Variants in TRIM33 observed in about 807,000 individuals in gnomAD.
TRIM33 encodes E3 ubiquitin-protein ligase TRIM33.
In TRIM33, 20 loss-of-function variants were observed where a neutral mutation model predicts 125.4. The observed-to-expected ratio is 0.16, with a 90% confidence interval of 0.11 to 0.23. The LOEUF is 0.23. Among genes scored for constraint, TRIM33 ranks in the 10% least tolerant of loss-of-function variants. The pLI, the probability that TRIM33 is intolerant of heterozygous loss-of-function variation, is 1.00. For synonymous variants in TRIM33, 564 were observed against 513.9 expected, an observed-to-expected ratio of 1.10 and a Z score of -1.32; for missense variants, 920 against 1,411.4, an observed-to-expected ratio of 0.65 and a Z score of 5.58.
rs956535181 is a variant in TRIM33 at position 114,510,883 on chromosome 1, C to G, written c.194G>C (p.Gly65Ala). 1 of 1,450,790 alleles carries G rather than the reference C, an allele frequency of 6.9e-7. No homozygotes were observed. Among genetic ancestry groups the G allele is most frequent in the African/African-American group, 1.5e-5 (1 of 67,378 alleles). The allele number at this position is 1,450,790 out of a possible 1,614,324, so 89.9% of individuals were successfully genotyped here. A position where few individuals can be genotyped will look rare whatever the true frequency, so the allele number is the denominator to read the frequency against. The change falls in exon 1 of 20, where the codon GGG (glycine) becomes GCG (alanine). Residue 65 changes from glycine (G) to alanine (A), a missense_variant. By Grantham distance (60) the Gly-to-Ala change is moderately conservative. This residue lies in a region of TRIM33 where 233 missense variants were observed against 189.6 expected (regional missense o/e 1.23). Transcript: ENST00000358465. Reference sequence around the variant, plus strand: ...GCCCGAGGAGGCCGCGGCCACCCCCCCGTCGTCGGGCCCGGCCGCGCCGCC... The same window carrying G: ...GCCCGAGGAGGCCGCGGCCACCCCCGCGTCGTCGGGCCCGGCCGCGCCGCC... ...AEGGAAGPDD[G>A]GVAAASSGSA...
chr1:114,415,334 T>C (rs1322816316), intron 11 of TRIM33, among the ~76,000 whole-genome samples: 1 of 152,032 alleles, frequency 6.6e-6, no homozygotes, highest in Non-Finnish European at 1.5e-5. Flanking sequence ...AAAGTCAGCA[T>C]AAAAAAGAAA....
intron 1 of TRIM33, among the ~76,000 whole-genome samples, chr1:114,495,654 T>A (rs1334019998): frequency 8.5e-5 from 13 of 152,182 alleles, no homozygotes; most frequent in Admixed American, 8.5e-4. Context: ...TAATCTACTT[T>A]GAAAGCATTC....
intron 16 of TRIM33, among the ~76,000 whole-genome samples, chr1:114,401,949 C>T (rs1024355348): frequency 3.3e-5 from 5 of 152,152 alleles, no homozygotes; most frequent in African/African-American, 1.2e-4. Context: ...AACTGAAATG[C>T]ATTTTACATT....
intron 1 of TRIM33, among the ~76,000 whole-genome samples, chr1:114,493,667 G>A (rs1041658988): frequency 6.6e-6 from 1 of 151,576 alleles, no homozygotes; most frequent in Non-Finnish European, 1.5e-5. Context: ...AAATCCAGTT[G>A]TACCAACATC....
rs963720009 is a variant in TRIM33, at chr1:114,411,666, C to T, written c.2062-1350G>A. Reference sequence around the variant, plus strand: ...TATACTCCTCACCTGCAATTTGTATCTTTTGCTAGAAAGATAACTCTAAGG... The same window carrying T: ...TATACTCCTCACCTGCAATTTGTATTTTTTGCTAGAAAGATAACTCTAAGG... On this transcript the variant is annotated intron_variant, in intron 11 of 19. Transcript: ENST00000358465. Among the ~76,000 whole-genome samples the T allele has an allele frequency of 8.5e-5, 13 of 152,222 alleles. No individual in the cohort carries two copies. In the South Asian group the frequency reaches 2.7e-3, roughly 32 times the overall value.
intron 4 of TRIM33, among the ~76,000 whole-genome samples, chr1:114,457,298 A>C (rs1156624535): frequency 2.0e-5 from 3 of 152,140 alleles, no homozygotes. Context: ...ACTAATGCAG[A>C]CTACAGCTTA....
intron 1 of TRIM33, among the ~76,000 whole-genome samples, chr1:114,491,591 T>C (rs1226042114): frequency 1.3e-5 from 2 of 152,030 alleles, no homozygotes; most frequent in African/African-American, 4.8e-5. Flanking sequence ...AAAGCTTGAG[T>C]CCAGAGTTCA....
At chr1:114,405,842 A>G in intron 14 of TRIM33, 83 bp from the exon 15 acceptor site, 3 of 1,168,820 alleles carry the variant, frequency 2.6e-6, no homozygotes, top group African/African-American at 1.5e-5. Context: ...TTATGTGAAT[A>G]TGCATATAGA....
intron 1 of TRIM33, among the ~76,000 whole-genome samples, chr1:114,473,347 C>T (rs906125686): frequency 1.3e-5 from 2 of 151,758 alleles, no homozygotes; most frequent in African/African-American, 4.8e-5. Flanking sequence ...CAATGGTGAA[C>T]GCACACCTGG....
At chr1:114,478,748 C>G (rs374824747) in intron 1 of TRIM33, among the ~76,000 whole-genome samples, 15 of 152,186 alleles carry the variant, frequency 9.9e-5, no homozygotes, top group African/African-American at 3.6e-4. Flanking sequence ...CATATCTGGG[C>G]TTCAATAATA....
At position 114,408,749 on chromosome 1, in the gene TRIM33, T is replaced by C. The variant is rs1652401471; in HGVS notation, c.2195-9A>G. On this transcript the variant is annotated splice_polypyrimidine_tract_variant and intron_variant, in intron 12 of 19. Transcript: ENST00000358465. ...GTGAGAATTGGATAAACCTAAAAAG[T>C]AGTAAGTCAAAATGAATATCAATGC... 2 of 1,582,910 alleles carry C rather than the reference T, an allele frequency of 1.3e-6. No individual in the cohort carries two copies. Among genetic ancestry groups the C allele is most frequent in the Non-Finnish European group, 1.7e-6 (2 of 1,158,300 alleles).
chr1:114,468,763 A>G (rs1227453652), intron 1 of TRIM33: 2 of 383,298 alleles, frequency 5.2e-6, no homozygotes, highest in African/African-American at 2.1e-5. Flanking sequence ...GAAGATGAAG[A>G]CAGCAAAAAA....
intron 17 of TRIM33, among the ~76,000 whole-genome samples, chr1:114,400,980 T>C (rs1050192749): frequency 1.3e-5 from 2 of 152,110 alleles, no homozygotes; most frequent in African/African-American, 4.8e-5. Flanking sequence ...GTTGAAGAGC[T>C]TATTCCAGAA....
At chr1:114,493,522 C>T (rs1446785977) in intron 1 of TRIM33, among the ~76,000 whole-genome samples, 1 of 152,094 alleles carries the variant, frequency 6.6e-6, no homozygotes, top group African/African-American at 2.4e-5. Context: ...TGGCCCCAAG[C>T]AATGCTCCCA....
At chr1:114,485,194 T>C (rs1651601601) in intron 1 of TRIM33, among the ~76,000 whole-genome samples, 1 of 152,068 alleles carries the variant, frequency 6.6e-6, no homozygotes, top group African/African-American at 2.4e-5. Flanking sequence ...CTCACGACTA[T>C]AATCTGTAAA....
chr1:114,422,665 T>C (rs1211473156), intron 10 of TRIM33, among the ~76,000 whole-genome samples: 4 of 149,744 alleles, frequency 2.7e-5, no homozygotes, highest in African/African-American at 9.8e-5. Context: ...AAAAAAAACC[T>C]GTAGAAATAA....
At chr1:114,416,807 AAAT>A (rs1221756258) in intron 11 of TRIM33, among the ~76,000 whole-genome samples, 3 of 152,212 alleles carry the variant, frequency 2.0e-5, no homozygotes, top group African/African-American at 7.2e-5. Context: ...AAAGAGTTAA[AAAT>A]AATCCATAAA....
At chr1:114,489,739 T>C (rs1056224887) in intron 1 of TRIM33, among the ~76,000 whole-genome samples, 5 of 151,876 alleles carry the variant, frequency 3.3e-5, no homozygotes, top group Non-Finnish European at 7.4e-5. Flanking sequence ...AGCAAGACCC[T>C]GTCTCAAAAA....
At chr1:114,427,584 G>C (rs1647673182) in intron 7 of TRIM33, among the ~76,000 whole-genome samples, 164 bp downstream of exon 7, 1 of 152,128 alleles carries the variant, frequency 6.6e-6, no homozygotes, top group Non-Finnish European at 1.5e-5. Context: ...TGGCTGCCTA[G>C]TGGAATGAGG....
Sources: allele counts gnomAD v4.1 joint callset (sites outside exome capture counted in the v4.1 genomes callset), GRCh38; gene constraint gnomAD v4.1.1; regional missense constraint gnomAD v4.1.1; transcripts MANE v1.5; gene names NCBI Gene and HGNC (gene_info 2026-07-23, HGNC 2026-07-21).